The following KANK1 variants were observed in gnomAD, a reference collection of about 807,000 sequenced individuals.
KANK1 encodes the protein KN motif and ankyrin repeat domain-containing protein 1.
A neutral mutation model predicts 106.2 loss-of-function variants in KANK1; 109 were observed. The ratio of observed to expected loss-of-function variants is 1.03; its 90% CI spans 0.88 to 1.20. KANK1 has a LOEUF of 1.20. Ranked by LOEUF, KANK1 falls within the 50% of genes most tolerant of loss-of-function variation. KANK1 has a pLI of 0.00. For missense variants in KANK1, 2,399 were observed against 1,710.7 expected, an observed-to-expected ratio of 1.40 and a Z score of -7.10; for synonymous variants, 873 against 652.2, an observed-to-expected ratio of 1.34 and a Z score of -5.16.
At chr9:515,326 A>G (rs1368286006) in intron 1 of KANK1, among the ~76,000 whole-genome samples, 1 of 150,742 alleles carries the variant, frequency 6.6e-6, no homozygotes, top group Non-Finnish European at 1.5e-5. Context: ...GCCTGGGTGA[A>G]AGAGCAAGAC....
At chr9:666,901 C>CT (rs35149316) in intron 1 of KANK1, among the ~76,000 whole-genome samples, 582 of 53,478 alleles carry the variant, frequency 0.011, 2 homozygotes, top group Middle Eastern at 0.05. Flanking sequence ...CTATTGTTGT[C>CT]TTTTTTTTTT....
At chr9:491,854 C>T (rs763070146) in intron 3 of KANK1, among the ~76,000 whole-genome samples, 21 of 152,192 alleles carry the variant, frequency 1.4e-4, no homozygotes, top group East Asian at 9.6e-4. Context: ...GATTAAGTCT[C>T]ACAAGATCTG....
intron 1 of KANK1, among the ~76,000 whole-genome samples, chr9:654,572 A>G (rs1841666235): frequency 8.5e-6 from 1 of 117,180 alleles, no homozygotes; most frequent in Admixed American, 8.7e-5. Context: ...TAATATATTT[A>G]CCACTCAATC....
At chr9:481,881 G>A (rs1210088800) in intron 3 of KANK1, among the ~76,000 whole-genome samples, 3 of 152,076 alleles carry the variant, frequency 2.0e-5, no homozygotes, top group African/African-American at 7.2e-5. Flanking sequence ...TCAGCTAAAT[G>A]GAGAGTGTAT....
chr9:729,568 G>A lies in KANK1; in HGVS notation c.2699-483G>A, dbSNP rs548197065. On this transcript the variant is annotated intron_variant, in intron 3 of 11. Coordinates refer to ENST00000382297, the MANE Select transcript of KANK1 (RefSeq NM_015158.5). ...CCCAGTAAGGACGACAGGAGGAGTG[G>A]GAAATGAAGTTGCGGGGGTCAGCCA... 3.9e-5 allele frequency among the ~76,000 whole-genome samples: 6 copies of A among 152,318 alleles called. No individual in the cohort carries two copies. The South Asian group carries it at 1.2e-3, about 32-fold the overall frequency.
At chr9:534,324 CGGTT>C (rs2060199522) in intron 1 of KANK1, among the ~76,000 whole-genome samples, 1 of 152,024 alleles carries the variant, frequency 6.6e-6, no homozygotes, top group Admixed American at 6.6e-5. Context: ...TTATTGTGCT[CGGTT>C]GGCTACATGT....
intron 1 of KANK1, among the ~76,000 whole-genome samples, chr9:613,154 C>T (rs531046591): frequency 2.0e-5 from 3 of 152,052 alleles, no homozygotes; most frequent in South Asian, 4.2e-4. Context: ...AGTAATTTGG[C>T]TCCATGCTTC....
intron 1 of KANK1, among the ~76,000 whole-genome samples, chr9:566,706 G>A (rs977099996): frequency 2.0e-5 from 3 of 151,924 alleles, no homozygotes; most frequent in African/African-American, 4.8e-5. Context: ...TAATGGAGTT[G>A]TTTTTTTCTT....
At chr9:551,728 G>C in intron 1 of KANK1, among the ~76,000 whole-genome samples, 1 of 152,086 alleles carries the variant, frequency 6.6e-6, no homozygotes, top group African/African-American at 2.4e-5. Context: ...AGATACCATC[G>C]GTGTTGTTAT....
Position 711,609 on chromosome 9 carries a change from G to C in KANK1, c.843G>C (p.Val281=), listed in dbSNP as rs759100790. The C allele has an allele frequency of 1.9e-6, 3 of 1,614,160 alleles. No homozygotes were observed. The South Asian group carries it at 3.3e-5, about 18-fold the overall frequency. ...LKRLKELEEQ[V]RTIPVLQVKI... ...GCCTGAAGGAGCTGGAGGAGCAGGT[G>C]CGAACCATCCCTGTGCTCCAGGTAA... is the stretch of plus-strand genomic sequence containing the variant. Residue 281 remains valine (V), a synonymous_variant, in exon 3 of 12, where the codon GTG becomes GTC. Transcript: ENST00000382297.
intron 1 of KANK1, among the ~76,000 whole-genome samples, chr9:628,524 C>T (rs28626827): frequency 6.6e-6 from 1 of 152,036 alleles, no homozygotes; most frequent in Admixed American, 6.5e-5. Flanking sequence ...TGCCTCTGCT[C>T]GTCACTTGAG....
At chr9:550,684 G>C (rs945204989) in intron 1 of KANK1, among the ~76,000 whole-genome samples, 11 of 152,214 alleles carry the variant, frequency 7.2e-5, no homozygotes, top group African/African-American at 2.7e-4. Context: ...TCACGTGCAA[G>C]GTAGTGGCCA....
intron 2 of KANK1, among the ~76,000 whole-genome samples, chr9:685,276 C>G (rs1280260279): frequency 6.6e-6 from 1 of 152,144 alleles, no homozygotes; most frequent in Non-Finnish European, 1.5e-5. Context: ...AGTTATCTCA[C>G]CACTTAAAAA....
Position 588,794 on chromosome 9 carries a change from C to T in KANK1, c.-84+84040C>T, listed in dbSNP as rs534570760. Among the ~76,000 whole-genome samples the T allele has an allele frequency of 2.0e-5, 3 of 152,064 alleles. No individual in the cohort carries two copies. The East Asian group carries it at 5.8e-4, about 29-fold the overall frequency. Reference sequence around the variant, plus strand: ...CATGACTGTGCTGTGCCTCAATTTCCCCGTAAGTAAAATGAAAATAGTAAT... The same window carrying T: ...CATGACTGTGCTGTGCCTCAATTTCTCCGTAAGTAAAATGAAAATAGTAAT... On this transcript the variant is annotated intron_variant, in intron 1 of 11. Coordinates refer to ENST00000382297, the MANE Select transcript of KANK1 (RefSeq NM_015158.5).
At chr9:577,724 A>C (rs1230959691) in intron 1 of KANK1, among the ~76,000 whole-genome samples, 5 of 152,188 alleles carry the variant, frequency 3.3e-5, no homozygotes, top group Non-Finnish European at 7.3e-5. Context: ...TGAATCAGAA[A>C]TTCTGAGGGT....
At chr9:612,245 G>C (rs991572480) in intron 1 of KANK1, among the ~76,000 whole-genome samples, 8 of 152,182 alleles carry the variant, frequency 5.3e-5, no homozygotes, top group African/African-American at 1.9e-4. Context: ...TCTTGGGTAA[G>C]ACTGAGAATG....
intron 1 of KANK1, among the ~76,000 whole-genome samples, chr9:518,727 A>G (rs1325577213): frequency 3.3e-5 from 5 of 151,468 alleles, no homozygotes; most frequent in Non-Finnish European, 7.4e-5. Context: ...ACTTTAGGCT[A>G]GAGGAGCGGA....
At chr9:637,472 C>T (rs1837418236) in intron 1 of KANK1, among the ~76,000 whole-genome samples, 1 of 152,166 alleles carries the variant, frequency 6.6e-6, no homozygotes, top group African/African-American at 2.4e-5. Context: ...TAAATTTTAG[C>T]ATGCATCACA....
chr9:740,670 C>T (rs1835190788), intron 8 of KANK1, 122 bp from the exon 9 acceptor site: 7 of 1,112,436 alleles, frequency 6.3e-6, no homozygotes, highest in Non-Finnish European at 7.6e-6. Context: ...CACTCTTGGT[C>T]TCCAGCCACC....
Sources: allele counts gnomAD v4.1 joint callset (sites outside exome capture counted in the v4.1 genomes callset), GRCh38; gene constraint gnomAD v4.1.1; transcripts MANE v1.5; gene names NCBI Gene and HGNC (gene_info 2026-07-23, HGNC 2026-07-21).